The following MAP2K5 variants were observed in gnomAD, a reference collection of about 807,000 sequenced individuals.
MAP2K5 encodes the protein dual specificity mitogen-activated protein kinase kinase 5.
A neutral mutation model predicts 83.1 loss-of-function variants in MAP2K5; 49 were observed. That is an observed-to-expected ratio of 0.59 (90% CI 0.47 to 0.75). The LOEUF (loss-of-function observed/expected upper bound fraction) is 0.75. Among genes scored for constraint, MAP2K5 ranks in the 30% least tolerant of loss-of-function variants. The pLI is 0.00. For missense variants in MAP2K5, 457 were observed against 557.5 expected (o/e 0.82, Z 1.82); for synonymous variants, 202 against 191.8 (o/e 1.05, Z -0.44).
chr15:67,587,221 T>C lies in MAP2K5; in HGVS notation c.431+308T>C, dbSNP rs2085309086. On this transcript the variant is annotated intron_variant, in intron 6 of 21. Transcript: ENST00000178640. The surrounding 1 kb of genome is among the most constrained non-coding windows in gnomAD (Gnocchi z 4.8). ...TCAGCATGTTTGTGAGTAGGCCAGTTTGGCACAGGGAGGGGTGCTGGGTTG... is the reference window on the plus strand; with the variant it reads ...TCAGCATGTTTGTGAGTAGGCCAGTCTGGCACAGGGAGGGGTGCTGGGTTG... Among the ~76,000 whole-genome samples the C allele has an allele frequency of 6.6e-6, 1 of 152,078 alleles. No homozygotes were observed. The highest frequency in any genetic ancestry group is 2.4e-5 in the African/African-American group (1 of 41,400).
Position 67,747,228 on chromosome 15 carries a change from G to C in MAP2K5, c.1075-1003G>C, listed in dbSNP as rs2089624097. Among the ~76,000 whole-genome samples, 1 of 152,142 alleles carries C rather than the reference G, an allele frequency of 6.6e-6. No homozygotes were observed. The stretch of plus-strand genomic sequence containing the variant: ...ACAGATCAAATGAGTTTGTATATGG[G>C]AAAGAATTTTTTAAAACACCTTTAA... On this transcript the variant is annotated intron_variant, in intron 17 of 21. Coordinates refer to ENST00000178640, the MANE Select transcript of MAP2K5 (RefSeq NM_145160.3). The surrounding 1 kb of genome is among the most constrained non-coding windows in gnomAD (Gnocchi z 4.1).
chr15:67,776,569 G>A (rs577086283), intron 21 of MAP2K5, among the ~76,000 whole-genome samples: 17 of 152,172 alleles, frequency 1.1e-4, no homozygotes, highest in Non-Finnish European at 2.2e-4. Context: ...TCAAATGGAA[G>A]GATGCAAAAA....
At chr15:67,753,050 G>C (rs548007105) in intron 19 of MAP2K5, among the ~76,000 whole-genome samples, 13 of 152,310 alleles carry the variant, frequency 8.5e-5, no homozygotes, top group Admixed American at 3.9e-4. Context: ...TATATGCATA[G>C]TCAGTTGTTT....
chr15:67,664,176 T>C (rs2087310313), intron 12 of MAP2K5, among the ~76,000 whole-genome samples: 1 of 151,740 alleles, frequency 6.6e-6, no homozygotes, highest in African/African-American at 2.4e-5. Flanking sequence ...GTTCAGTAAA[T>C]GCTTATTGAT....
rs904714065 is a variant in MAP2K5, at chr15:67,563,653, C to T, written c.252+303C>T. Reference sequence around the variant, plus strand: ...TTATGCAGTACTTAAAGTAACGGCTCATTAAAAATGAACCCCTGGGCTCTA... The same window carrying T: ...TTATGCAGTACTTAAAGTAACGGCTTATTAAAAATGAACCCCTGGGCTCTA... On this transcript the variant is annotated intron_variant, in intron 3 of 21. Transcript: ENST00000178640. This position sits in a 1 kb window ranked among gnomAD's most constrained non-coding sequence, Gnocchi z 4.5. Among the ~76,000 whole-genome samples the T allele has an allele frequency of 7.2e-5, 11 of 152,070 alleles. No homozygotes were observed. The highest frequency in any genetic ancestry group is 3.2e-3 in the Middle Eastern group (1 of 316).
rs1043392611 is a variant in MAP2K5, at chr15:67,749,620, G to A, written c.1134+1019G>A. 6.6e-6 allele frequency among the ~76,000 whole-genome samples: 1 copy of A among 152,156 alleles called. No individual in the cohort carries two copies. Among genetic ancestry groups the A allele is most frequent in the Non-Finnish European group, 1.5e-5 (1 of 68,036 alleles). ...CACATATCACAATAATAGTAAGAGTGGGGCTCTAACATCCTTAATGGTTGC... is the reference window on the plus strand; with the variant it reads ...CACATATCACAATAATAGTAAGAGTAGGGCTCTAACATCCTTAATGGTTGC... On this transcript the variant is annotated intron_variant, in intron 19 of 21. Transcript: ENST00000178640. This position sits in a 1 kb window ranked among gnomAD's most constrained non-coding sequence, Gnocchi z 4.6.
At chr15:67,567,867 T>G (rs2084872965) in intron 3 of MAP2K5, among the ~76,000 whole-genome samples, 1 of 152,180 alleles carries the variant, frequency 6.6e-6, no homozygotes, top group Non-Finnish European at 1.5e-5. Context: ...CCTTCCATTT[T>G]TTTGTGTTTG....
rs1242375924 is a variant in MAP2K5 at position 67,748,578 on chromosome 15, C to G, written c.1111C>G (p.Leu371Val). 6.2e-7 allele frequency: 1 copy of G among 1,613,964 alleles called. No homozygotes were observed. Among genetic ancestry groups the G allele is most frequent in the Non-Finnish European group, 8.5e-7 (1 of 1,179,850 alleles). ...TTCTTTTCCATTGCAGCCTCTCCAGCTTCTGCAGTGCATTGTTGATGAGGT... is the reference window on the plus strand; with the variant it reads ...TTCTTTTCCATTGCAGCCTCTCCAGGTTCTGCAGTGCATTGTTGATGAGGT... ...KNQGSLMPLQ[L>V]LQCIVDEDSP... is the part of the protein sequence containing the mutation. Residue 371 changes from leucine to valine, a missense_variant, in exon 19 of 22, where the codon CTT becomes GTT. This residue lies in a region of MAP2K5 where 168 missense variants were observed against 263.0 expected (regional missense o/e 0.64). Coordinates refer to ENST00000178640, the MANE Select transcript of MAP2K5 (RefSeq NM_145160.3). The surrounding 1 kb of genome is among the most constrained non-coding windows in gnomAD (Gnocchi z 4.0).
intron 16 of MAP2K5, among the ~76,000 whole-genome samples, chr15:67,712,342 C>T (rs1219556437): frequency 6.6e-6 from 1 of 152,212 alleles, no homozygotes; most frequent in Non-Finnish European, 1.5e-5. Flanking sequence ...CCTTAGTCTA[C>T]AAGCCCCATC....
intron 19 of MAP2K5, among the ~76,000 whole-genome samples, chr15:67,753,092 G>A (rs73427944): frequency 0.09 from 13,625 of 152,188 alleles, 707 homozygotes; most frequent in East Asian, 0.15. Context: ...ATTCTGTGGC[G>A]AAAGAATAGT....
intron 20 of MAP2K5, 132 bp from the exon 21 acceptor site, chr15:67,772,575 T>A: frequency 3.9e-6 from 2 of 515,974 alleles, no homozygotes; most frequent in East Asian, 3.1e-5. Context: ...ATGCTAATAC[T>A]TTGGCCAAGA....
chr15:67,628,510 GAC>G (rs1482191060), intron 8 of MAP2K5: 4 of 719,010 alleles, frequency 5.6e-6, no homozygotes, highest in Non-Finnish European at 9.5e-6. Flanking sequence ...ATAAAAAAAA[GAC>G]ACTGAGGAAT....
At chr15:67,645,621 A>G (rs2086814427) in intron 9 of MAP2K5, among the ~76,000 whole-genome samples, 1 of 152,118 alleles carries the variant, frequency 6.6e-6, no homozygotes, top group Admixed American at 6.5e-5. Context: ...AGGTGCAGTC[A>G]TGGCTCACTT....
intron 9 of MAP2K5, among the ~76,000 whole-genome samples, chr15:67,631,525 A>G (rs1026395146): frequency 1.3e-5 from 2 of 152,178 alleles, no homozygotes; most frequent in African/African-American, 4.8e-5. Flanking sequence ...TGTACAACGT[A>G]AAGCCTAAGA....
chr15:67,543,594 GT>G lies in MAP2K5; in HGVS notation c.135+128del. The G allele has an allele frequency of 9.3e-7, 1 of 1,079,414 alleles. No homozygotes were observed. The highest frequency in any genetic ancestry group is 1.4e-6 in the Non-Finnish European group (1 of 735,228). 66.9% of individuals were successfully genotyped at this position (1,079,414 alleles called of 1,614,324 possible). A position where few individuals can be genotyped will look rare whatever the true frequency, so the allele number is the denominator to read the frequency against. Reference sequence around the variant, plus strand: ...CTACTGCTGGCTTCCTGTGGAGGCAGTTTTATTGCTTCAGGCACAGCATTGA... The same window carrying G: ...CTACTGCTGGCTTCCTGTGGAGGCAGTTTATTGCTTCAGGCACAGCATTGA... On this transcript the variant is annotated intron_variant, in intron 1 of 21. Transcript: ENST00000178640. The surrounding 1 kb of genome is among the most constrained non-coding windows in gnomAD (Gnocchi z 4.3).
rs755279236 is a variant in MAP2K5 at position 67,552,373 on chromosome 15, G to A, written c.184+2291G>A. On this transcript the variant is annotated intron_variant, in intron 2 of 21. Coordinates refer to ENST00000178640, the MANE Select transcript of MAP2K5 (RefSeq NM_145160.3). The surrounding 1 kb of genome is among the most constrained non-coding windows in gnomAD (Gnocchi z 4.2). ...TTCGGAGTACTTACTGTTGACAGATGCTTTGCTAAGAGCATTCCATGGGTT... is the reference window on the plus strand; with the variant it reads ...TTCGGAGTACTTACTGTTGACAGATACTTTGCTAAGAGCATTCCATGGGTT... 3.9e-5 allele frequency among the ~76,000 whole-genome samples: 6 copies of A among 152,176 alleles called. No individual in the cohort carries two copies. Among genetic ancestry groups the A allele is most frequent in the Non-Finnish European group, 8.8e-5 (6 of 68,032 alleles).
rs2089880433 is a variant in MAP2K5 at position 67,758,348 on chromosome 15, G to A, written c.1134+9747G>A. Among the ~76,000 whole-genome samples the A allele has an allele frequency of 6.6e-6, 1 of 152,152 alleles. No individual in the cohort carries two copies. The highest frequency in any genetic ancestry group is 2.4e-5 in the African/African-American group (1 of 41,422). ...AATCTCAGGGCTTGGGCAGTCAGGT[G>A]CATGGTGGTACTCTCCTGAGATGGG... On this transcript the variant is annotated intron_variant, in intron 19 of 21. Coordinates refer to ENST00000178640, the MANE Select transcript of MAP2K5 (RefSeq NM_145160.3). This position sits in a 1 kb window ranked among gnomAD's most constrained non-coding sequence, Gnocchi z 4.7.
At chr15:67,712,237 TTC>T (rs2088708364) in intron 16 of MAP2K5, among the ~76,000 whole-genome samples, 1 of 152,182 alleles carries the variant, frequency 6.6e-6, no homozygotes, top group Non-Finnish European at 1.5e-5. Flanking sequence ...AGCAGAGACT[TTC>T]TCTAGGGAAA....
intron 8 of MAP2K5, among the ~76,000 whole-genome samples, chr15:67,617,755 G>T (rs911541443): frequency 5.3e-5 from 8 of 152,034 alleles, no homozygotes; most frequent in Admixed American, 3.3e-4. Context: ...GCAGTGATAC[G>T]ATCATGGCTT....
Sources: allele counts gnomAD v4.1 joint callset (sites outside exome capture counted in the v4.1 genomes callset), GRCh38; gene constraint gnomAD v4.1.1; regional missense constraint gnomAD v4.1.1; non-coding constraint Gnocchi (gnomAD v3.1); transcripts MANE v1.5; gene names NCBI Gene and HGNC (gene_info 2026-07-23, HGNC 2026-07-21).